The following WRAP53 variants were observed in gnomAD, a reference collection of about 807,000 sequenced individuals.
WRAP53 encodes the protein WD repeat containing antisense to TP53.
A neutral mutation model predicts 56.6 loss-of-function variants in WRAP53; 28 were observed. The ratio of observed to expected loss-of-function variants is 0.50; its 90% CI spans 0.37 to 0.68. The LOEUF (loss-of-function observed/expected upper bound fraction) is 0.68, where lower values mean the gene tolerates loss of function less well. Ranked by LOEUF, WRAP53 falls within the 30% of genes least tolerant of loss-of-function variation. The probability of loss-of-function intolerance (pLI) is 0.00; values close to 1 mark genes in which losing one functional copy is unlikely to be tolerated. For synonymous variants in WRAP53, 283 were observed against 283.4 expected, an observed-to-expected ratio of 1.00 and a Z score of 0.01; for missense variants, 671 against 715.5, an observed-to-expected ratio of 0.94 and a Z score of 0.71.
At position 7,703,447 on chromosome 17, in the gene WRAP53, G is replaced by A. The variant is rs2151097880; in HGVS notation, c.1608G>A (p.Gly536=). The change falls in exon 11 of 11, where the codon GGG becomes GGA. Residue 536 remains glycine (G), a synonymous_variant. Coordinates refer to ENST00000396463, the MANE Select transcript of WRAP53 (RefSeq NM_001143992.2). ...CTGATGATCACCAGGGCGAGAAAGGGCAGGGAGGAACGGAGGGAGGTGTGG... is the reference window on the plus strand; with the variant it reads ...CTGATGATCACCAGGGCGAGAAAGGACAGGGAGGAACGGAGGGAGGTGTGG... The part of the protein sequence containing the change: ...SIPDDHQGEK[G]QGGTEGGVGE... 1 of 1,613,800 alleles carries A rather than the reference G, an allele frequency of 6.2e-7. No individual in the cohort carries two copies. Among genetic ancestry groups the A allele is most frequent in the Admixed American group, 1.7e-5 (1 of 59,990 alleles).
intron 4 of WRAP53, among the ~76,000 whole-genome samples, chr17:7,690,495 C>G (rs1223058961): frequency 2.0e-5 from 3 of 152,180 alleles, no homozygotes; most frequent in Non-Finnish European, 4.4e-5. Context: ...GAAAAGGAGG[C>G]ATTTGAGCTA....
chr17:7,688,421 G>A, upstream of WRAP53: 2 of 577,254 alleles, frequency 3.5e-6, no homozygotes, highest in South Asian at 4.3e-5. Flanking sequence ...TCGGAAGGTG[G>A]ACCGAAATCC....
chr17:7,688,333 C>G, upstream of WRAP53: 2 of 430,962 alleles, frequency 4.6e-6, no homozygotes, highest in Non-Finnish European at 8.5e-6. Flanking sequence ...GAACGGGAAA[C>G]CTTCTAACCT....
chr17:7,697,869 A>G (rs1184175850), intron 4 of WRAP53, among the ~76,000 whole-genome samples: 2 of 116,116 alleles, frequency 1.7e-5, no homozygotes, highest in Non-Finnish European at 3.1e-5. Flanking sequence ...AACAATAGAC[A>G]CTTTTTTTTT....
chr17:7,695,085 T>G (rs2074164864), intron 4 of WRAP53, among the ~76,000 whole-genome samples: 1 of 152,008 alleles, frequency 6.6e-6, no homozygotes, highest in Non-Finnish European at 1.5e-5. Flanking sequence ...CTCGAGTAGC[T>G]GGGACTACAC....
intron 4 of WRAP53, among the ~76,000 whole-genome samples, chr17:7,691,297 G>GGGACAGAGGGGTGA (rs1461271443): frequency 2.0e-5 from 3 of 152,132 alleles, no homozygotes; most frequent in Non-Finnish European, 4.4e-5. Flanking sequence ...GCAAGTGAGG[G>GGGACAGAGGGGTGA]GGACAGAGGG....
In WRAP53 at chr17:7,688,787, A is replaced by AG; in HGVS notation, c.145dup (p.Asp49GlyfsTer39). The AG allele has an allele frequency of 2.5e-6, 4 of 1,614,156 alleles. No homozygotes were observed. The highest frequency in any genetic ancestry group is 3.4e-6 in the Non-Finnish European group (4 of 1,180,028). On this transcript the variant is annotated frameshift_variant, in exon 2 of 11. Coordinates refer to ENST00000396463, the MANE Select transcript of WRAP53 (RefSeq NM_001143992.2). LOFTEE classifies it high-confidence loss of function. The stretch of plus-strand genomic sequence containing the variant: ...TGAACTGATGCCACCGCCTCCCGAA[A>AG]GGGGGGATCCGCCCCGGTTGTCCCC...
intron 1 of WRAP53, 34 bp from the exon 2 acceptor site, chr17:7,688,614 G>A: frequency 6.2e-7 from 1 of 1,612,720 alleles, no homozygotes; most frequent in Non-Finnish European, 8.5e-7. Flanking sequence ...AGCCATCCTG[G>A]CTGAGGCTAA....
At chr17:7,694,731 G>A (rs1025753384) in intron 4 of WRAP53, among the ~76,000 whole-genome samples, 1 of 152,140 alleles carries the variant, frequency 6.6e-6, no homozygotes. Flanking sequence ...GGGAGGCTGA[G>A]GTGGGAGGAT....
At position 7,702,939 on chromosome 17, in the gene WRAP53, G is replaced by GT. The variant is rs1172498382; in HGVS notation, c.1269-52dup. 19 of 1,612,828 alleles carry GT rather than the reference G, an allele frequency of 1.2e-5. No individual in the cohort carries two copies. The highest frequency in any genetic ancestry group is 1.6e-5 in the Non-Finnish European group (19 of 1,179,994). On this transcript the variant is annotated intron_variant, in intron 9 of 10. Transcript: ENST00000396463. The surrounding 1 kb of genome is among the most constrained non-coding windows in gnomAD (Gnocchi z 5.0). ...GGGTCCCAGTCCCTGGGTGTGAGGG[G>GT]TTCCTGCCCCAGGGGTGAGGCCTCT...
At chr17:7,687,425 G>A, upstream of WRAP53, 1 of 398,652 alleles carries the variant, frequency 2.5e-6, no homozygotes, top group Non-Finnish European at 4.4e-6. Context: ...CTCCCAGCCC[G>A]AACGCAAAGT....
upstream of WRAP53, chr17:7,686,264 T>C (rs754510909): frequency 6.6e-6 from 1 of 152,156 alleles, no homozygotes; most frequent in Non-Finnish European, 1.5e-5. Flanking sequence ...CGACCCATCA[T>C]TGCACTCTTT....
chr17:7,695,278 G>T (rs2074167525), intron 4 of WRAP53, among the ~76,000 whole-genome samples: 1 of 152,114 alleles, frequency 6.6e-6, no homozygotes, highest in African/African-American at 2.4e-5. Context: ...ATTTGTATAG[G>T]TCAGAAAATT....
intron 4 of WRAP53, among the ~76,000 whole-genome samples, chr17:7,699,530 A>ATATT (rs2074246930): frequency 1.4e-5 from 1 of 70,980 alleles, no homozygotes; most frequent in Non-Finnish European, 2.6e-5. Flanking sequence ...ATTTATATAT[A>ATATT]TATATATATT....
At position 7,702,363 on chromosome 17, in the gene WRAP53, C is replaced by T. The variant is rs146558070; in HGVS notation, c.975C>T (p.Ser325=). ...RATFAKKQGQ[S]GIISCIAFSP... Reference sequence around the variant, plus strand: ...CTCTAGCAAAAAAGCAGGGCCAGAGCGGCATCATCTCCTGCATAGCCTTCA... The same window carrying T: ...CTCTAGCAAAAAAGCAGGGCCAGAGTGGCATCATCTCCTGCATAGCCTTCA... The change falls in exon 8 of 11, where the codon AGC becomes AGT. Residue 325 remains serine, a synonymous_variant. Coordinates refer to ENST00000396463, the MANE Select transcript of WRAP53 (RefSeq NM_001143992.2). This position sits in a 1 kb window ranked among gnomAD's most constrained non-coding sequence, Gnocchi z 5.0. 35 of 1,613,980 alleles carry T rather than the reference C, an allele frequency of 2.2e-5. No homozygotes were observed. The highest frequency in any genetic ancestry group is 1.6e-4 in the Middle Eastern group (1 of 6,084).
At chr17:7,689,771 T>C in intron 4 of WRAP53, 70 bp downstream of exon 4, 1 of 1,298,652 alleles carries the variant, frequency 7.7e-7, no homozygotes, top group Non-Finnish European at 1.1e-6. Context: ...ATGGAAAAAG[T>C]GTAGTCCAAG....
rs1213207387 is a variant in WRAP53, at chr17:7,689,255, C to G, written c.463C>G (p.Arg155Gly). ...GAACTACAGCTTCTCCCAGCTGCCT[C>G]GATTTCTCAGTGGTTCCTGGTCAGA... ...AWNYSFSQLP[R>G]FLSGSWSEFS... The change falls in exon 3 of 11, where the codon CGA becomes GGA. Residue 155 changes from arginine (R) to glycine (G), a missense_variant. Physicochemically the swap from Arg to Gly is moderately radical, Grantham distance 125. Transcript: ENST00000396463. 1 of 1,613,926 alleles carries G rather than the reference C, an allele frequency of 6.2e-7. No individual in the cohort carries two copies. Among genetic ancestry groups the G allele is most frequent in the African/African-American group, 1.3e-5 (1 of 74,856 alleles).
chr17:7,699,236 G>A (rs1221828825), intron 4 of WRAP53, among the ~76,000 whole-genome samples: 3 of 150,244 alleles, frequency 2.0e-5, no homozygotes, highest in Non-Finnish European at 4.4e-5. Context: ...CCTGGCCAAC[G>A]TGGCGAAACC....
Position 7,702,391 on chromosome 17 carries a change from C to T in WRAP53, c.1003C>T (p.Pro335Ser). The T allele has an allele frequency of 6.2e-7, 1 of 1,614,156 alleles. No homozygotes were observed. Among genetic ancestry groups the T allele is most frequent in the Non-Finnish European group, 8.5e-7 (1 of 1,180,028 alleles). ...CATCATCTCCTGCATAGCCTTCAGCCCAGCCCAGCCCCTCTATGCCTGTGG... is the reference window on the plus strand; with the variant it reads ...CATCATCTCCTGCATAGCCTTCAGCTCAGCCCAGCCCCTCTATGCCTGTGG... ...SGIISCIAFS[P>S]AQPLYACGSY... The change falls in exon 8 of 11, where the codon CCA (proline) becomes TCA (serine). Residue 335 changes from proline to serine, a missense_variant. Transcript: ENST00000396463. This position sits in a 1 kb window ranked among gnomAD's most constrained non-coding sequence, Gnocchi z 5.0.
Sources: allele counts gnomAD v4.1 joint callset (sites outside exome capture counted in the v4.1 genomes callset), GRCh38; gene constraint gnomAD v4.1.1; non-coding constraint Gnocchi (gnomAD v3.1); transcripts MANE v1.5; gene names NCBI Gene and HGNC (gene_info 2026-07-23, HGNC 2026-07-21).